Variants in LIN9 observed in about 807,000 individuals in gnomAD.
LIN9 encodes protein lin-9 homolog.
Under a neutral mutation model 78.0 loss-of-function variants are expected in LIN9, and 18 were observed. The observed-to-expected ratio is 0.23, with a 90% CI of 0.16 to 0.34. The LOEUF is 0.34. Ranked by LOEUF, LIN9 falls within the 10% of genes least tolerant of loss-of-function variation. LIN9 has a pLI of 1.00. For missense variants in LIN9, 451 were observed against 644.1 expected, an observed-to-expected ratio of 0.70 and a Z score of 3.25; for synonymous variants, 192 against 215.2, an observed-to-expected ratio of 0.89 and a Z score of 0.94.
intron 6 of LIN9, among the ~76,000 whole-genome samples, chr1:226,278,823 C>CA (rs368835514): frequency 0.46 from 60,160 of 129,446 alleles, 13,012 homozygotes; most frequent in East Asian, 0.53. Flanking sequence ...AACTCCGTCT[C>CA]AAAAAAAAAA....
chr1:226,303,309 G>C (rs561413054), intron 1 of LIN9, among the ~76,000 whole-genome samples: 4 of 152,332 alleles, frequency 2.6e-5, no homozygotes, highest in African/African-American at 9.6e-5. Flanking sequence ...TGCTCTCATG[G>C]AATGTACATT....
chr1:226,232,577 A>G lies in LIN9; in HGVS notation c.1553T>C (p.Val518Ala). 1 of 1,610,042 alleles carries G rather than the reference A, an allele frequency of 6.2e-7. No homozygotes were observed. The highest frequency in any genetic ancestry group is 1.3e-5 in the African/African-American group (1 of 74,996). ...GCTCAGGCCACTCTGAATATGTGCA[A>G]CATGGATTTCTACATTATTCTGAAA... is the stretch of plus-strand genomic sequence containing the variant. ...SCFQNNVEIH[V>A]AHIQSGLSQM... is the part of the protein sequence containing the mutation. The change falls in exon 15 of 15, where the codon GTT becomes GCT. Residue 518 changes from valine to alanine, a missense_variant. Physicochemically the swap from Val to Ala is moderately conservative, Grantham distance 64. Coordinates refer to ENST00000681046, the MANE Select transcript of LIN9 (RefSeq NM_001366245.2).
intron 6 of LIN9, among the ~76,000 whole-genome samples, chr1:226,281,408 T>C (rs1173742427): frequency 7.1e-6 from 1 of 141,424 alleles, no homozygotes; most frequent in Admixed American, 7.2e-5. Flanking sequence ...GGTAGGAAAA[T>C]TATAGTTAAT....
At position 226,233,169 on chromosome 1, in the gene LIN9, T is replaced by C. The variant is rs369249264; in HGVS notation, c.1450A>G (p.Asn484Asp). Reference protein sequence around the residue: ...IKCLAEGGDLNSFEFKSLTDS... With the variant: ...IKCLAEGGDLDSFEFKSLTDS... ...GTAAGTGATTTGAATTCAAAGGAAT[T>C]CAGGTCTCCTCCTTCTGCTAGACAC... The change falls in exon 14 of 15, where the codon AAT becomes GAT. Residue 484 changes from asparagine (N) to aspartate (D), a missense_variant. Coordinates refer to ENST00000681046, the MANE Select transcript of LIN9 (RefSeq NM_001366245.2). 13 of 1,607,778 alleles carry C rather than the reference T, an allele frequency of 8.1e-6. No homozygotes were observed. The highest frequency in any genetic ancestry group is 1.1e-5 in the Non-Finnish European group (13 of 1,178,090).
rs146851196 is a variant in LIN9, at chr1:226,259,083, C to T, written c.1038+6450G>A. Among the ~76,000 whole-genome samples the T allele has an allele frequency of 4.6e-3, 690 of 151,134 alleles. 5 individuals are homozygous for T. Among genetic ancestry groups the T allele is most frequent in the African/African-American group, 0.015 (607 of 41,194 alleles). ...TCAAGCAATTCTCCTGTCTCAGCCT[C>T]CCAAGTAGCTGGGATTACAGGTGTC... On this transcript the variant is annotated intron_variant, in intron 10 of 14. Coordinates refer to ENST00000681046, the MANE Select transcript of LIN9 (RefSeq NM_001366245.2).
intron 4 of LIN9, among the ~76,000 whole-genome samples, chr1:226,294,804 C>CTT (rs895301335): frequency 1.4e-5 from 2 of 145,672 alleles, no homozygotes. Flanking sequence ...TACATGTCTA[C>CTT]TTTTTTTTTT....
At chr1:226,264,114 C>T (rs1659767914) in intron 10 of LIN9, among the ~76,000 whole-genome samples, 2 of 151,874 alleles carry the variant, frequency 1.3e-5, no homozygotes, top group African/African-American at 2.4e-5. Flanking sequence ...CAGGTGCAGT[C>T]GCTCATGCCT....
chr1:226,236,318 CCT>C (rs1204310903), intron 12 of LIN9, among the ~76,000 whole-genome samples: 5 of 151,320 alleles, frequency 3.3e-5, no homozygotes, highest in Non-Finnish European at 7.4e-5. Context: ...CCCCAGACCC[CCT>C]GATAATGCCA....
At chr1:226,262,212 G>A (rs752044146) in intron 10 of LIN9, among the ~76,000 whole-genome samples, 1 of 152,148 alleles carries the variant, frequency 6.6e-6, no homozygotes, top group Non-Finnish European at 1.5e-5. Context: ...GATGACTTTG[G>A]TTTTGTGACA....
chr1:226,257,269 C>A (rs1174230411), intron 10 of LIN9, among the ~76,000 whole-genome samples: 1 of 151,964 alleles, frequency 6.6e-6, no homozygotes, highest in African/African-American at 2.4e-5. Flanking sequence ...AAATGATGTT[C>A]TTTAAAGAAA....
chr1:226,242,428 C>T (rs759518440), intron 11 of LIN9, among the ~76,000 whole-genome samples: 1 of 152,086 alleles, frequency 6.6e-6, no homozygotes, highest in Non-Finnish European at 1.5e-5. Context: ...TCAAATCATT[C>T]ACAAAATTTT....
At chr1:226,303,515 G>A (rs920472498) in intron 1 of LIN9, among the ~76,000 whole-genome samples, 4 of 152,208 alleles carry the variant, frequency 2.6e-5, no homozygotes, top group African/African-American at 9.6e-5. Flanking sequence ...TAGGCCATAA[G>A]AATATCCACT....
chr1:226,309,267 C>G (rs571846909), upstream of LIN9: 3,246 of 1,181,506 alleles, frequency 2.7e-3, 28 homozygotes, highest in South Asian at 0.026. Context: ...GCTGCTCCCG[C>G]CGCGGCTGGC....
intron 1 of LIN9, among the ~76,000 whole-genome samples, chr1:226,307,194 T>C (rs893809088): frequency 6.6e-6 from 1 of 152,218 alleles, no homozygotes; most frequent in African/African-American, 2.4e-5. Context: ...ATGACTACAG[T>C]AACCAAAACA....
chr1:226,255,410 AC>A (rs1659121858), intron 10 of LIN9, among the ~76,000 whole-genome samples: 1 of 152,110 alleles, frequency 6.6e-6, no homozygotes, highest in African/African-American at 2.4e-5. Context: ...CACTCTAGCC[AC>A]CCCGTACCAC....
intron 11 of LIN9, among the ~76,000 whole-genome samples, chr1:226,247,467 C>G (rs1576287221): frequency 6.6e-6 from 1 of 152,202 alleles, no homozygotes; most frequent in East Asian, 1.9e-4. Context: ...CAACTTCTCC[C>G]AACCCTTGGT....
chr1:226,252,220 G>A (rs1658876665), intron 10 of LIN9, among the ~76,000 whole-genome samples: 1 of 151,810 alleles, frequency 6.6e-6, no homozygotes, highest in Non-Finnish European at 1.5e-5. Context: ...GGTGGAGGAT[G>A]CAGTGAACTG....
chr1:226,271,748 C>G (rs1398823807), intron 7 of LIN9, among the ~76,000 whole-genome samples: 1 of 152,032 alleles, frequency 6.6e-6, no homozygotes, highest in Non-Finnish European at 1.5e-5. Context: ...CTGTTGCTTT[C>G]AAGTATTTTG....
chr1:226,264,655 G>A (rs1020046675), intron 10 of LIN9, among the ~76,000 whole-genome samples: 2 of 152,124 alleles, frequency 1.3e-5, no homozygotes, highest in Non-Finnish European at 2.9e-5. Flanking sequence ...AGACCAGCCT[G>A]GCCAGCACAG....
Sources: gnomAD v4.1 joint callset for allele counts (sites outside exome capture counted in the v4.1 genomes callset) on GRCh38, gnomAD v4.1.1 for gene constraint, MANE v1.5 for transcripts, NCBI Gene and HGNC (gene_info 2026-07-23, HGNC 2026-07-21) for gene names.